CA10: variants seen among roughly 807,000 people sequenced by gnomAD.
CA10 encodes carbonic anhydrase-related protein 10.
A neutral mutation model predicts 44.2 loss-of-function variants in CA10; 14 were observed. The ratio of observed to expected loss-of-function variants is 0.32; its 90% CI spans 0.21 to 0.50. The LOEUF is 0.50. CA10 is among the 20% of genes least tolerant of loss of function. The pLI, the probability that CA10 is intolerant of heterozygous loss-of-function variation, is 0.99. For synonymous variants in CA10, 159 were observed against 141.6 expected, an observed-to-expected ratio of 1.12 and a Z score of -0.87; for missense variants, 350 against 409.7, an observed-to-expected ratio of 0.85 and a Z score of 1.26.
intron 2 of CA10, among the ~76,000 whole-genome samples, chr17:51,963,213 T>G (rs1983956593): frequency 6.6e-6 from 1 of 151,672 alleles, no homozygotes; most frequent in Non-Finnish European, 1.5e-5. Context: ...CAGACAAAAA[T>G]TAAGAAAAAA....
At chr17:51,782,642 AC>A (rs1005328083) in intron 3 of CA10, among the ~76,000 whole-genome samples, 1 of 152,062 alleles carries the variant, frequency 6.6e-6, no homozygotes, top group Non-Finnish European at 1.5e-5. Context: ...CCAGCGTCCA[AC>A]CCCCTTGACC....
chr17:51,873,376 G>A (rs1305879448), intron 3 of CA10, among the ~76,000 whole-genome samples: 1 of 151,992 alleles, frequency 6.6e-6, no homozygotes, highest in Non-Finnish European at 1.5e-5. Flanking sequence ...TAAAGAATTG[G>A]AAAAACATAA....
chr17:51,863,768 T>C (rs1033385039), intron 3 of CA10, among the ~76,000 whole-genome samples: 1 of 152,190 alleles, frequency 6.6e-6, no homozygotes, highest in Non-Finnish European at 1.5e-5. Context: ...AAGAGATGCA[T>C]AGAAAGAAGT....
intron 3 of CA10, among the ~76,000 whole-genome samples, chr17:51,760,087 T>A (rs1905178493): frequency 6.6e-6 from 1 of 152,182 alleles, no homozygotes; most frequent in Non-Finnish European, 1.5e-5. Flanking sequence ...TTATTTTATC[T>A]CCAAAGAGGA....
intron 3 of CA10, among the ~76,000 whole-genome samples, chr17:51,773,428 G>C (rs1905688821): frequency 6.6e-6 from 1 of 152,240 alleles, no homozygotes; most frequent in Non-Finnish European, 1.5e-5. Flanking sequence ...CTGAGAAGCA[G>C]AGAGAAGGAT....
chr17:52,017,611 T>C (rs1223753704), intron 2 of CA10, among the ~76,000 whole-genome samples: 1 of 152,088 alleles, frequency 6.6e-6, no homozygotes, highest in African/African-American at 2.4e-5. Flanking sequence ...TAGACGCACA[T>C]GCAAAGGCAT....
At chr17:52,155,747 C>T (rs1379320283) in intron 1 of CA10, among the ~76,000 whole-genome samples, 1 of 152,196 alleles carries the variant, frequency 6.6e-6, no homozygotes, top group Non-Finnish European at 1.5e-5. Context: ...CTGTGTTTAG[C>T]TAATAGCTAG....
At chr17:52,114,970 T>A (rs575776385) in intron 1 of CA10, among the ~76,000 whole-genome samples, 8 of 152,286 alleles carry the variant, frequency 5.3e-5, no homozygotes, top group Non-Finnish European at 1.0e-4. Context: ...AGGAGGCAGA[T>A]AAGGAAGGGT....
chr17:52,147,012 C>T (rs539117850), intron 1 of CA10, among the ~76,000 whole-genome samples: 182 of 152,282 alleles, frequency 1.2e-3, no homozygotes, highest in African/African-American at 4.3e-3. Flanking sequence ...AAGAAGTAAG[C>T]CTCCATTGTG....
chr17:51,802,221 C>T (rs986997101), intron 3 of CA10, among the ~76,000 whole-genome samples: 9 of 152,180 alleles, frequency 5.9e-5, no homozygotes, highest in Non-Finnish European at 1.0e-4. Context: ...AATTTCCTCT[C>T]AGGGAGACAG....
At chr17:51,804,809 T>C (rs901688697) in intron 3 of CA10, among the ~76,000 whole-genome samples, 16 of 152,246 alleles carry the variant, frequency 1.1e-4, no homozygotes, top group Non-Finnish European at 2.2e-4. Context: ...CTTTGTTTTA[T>C]TACCTTAGAG....
chr17:52,034,544 T>C (rs897940368), intron 2 of CA10, among the ~76,000 whole-genome samples: 5 of 152,150 alleles, frequency 3.3e-5, no homozygotes, highest in African/African-American at 1.2e-4. Context: ...TTAGATCTGA[T>C]AGAGCTGGGG....
chr17:51,763,633 G>A (rs2143641902), intron 3 of CA10, among the ~76,000 whole-genome samples: 1 of 152,200 alleles, frequency 6.6e-6, no homozygotes, highest in East Asian at 1.9e-4. Context: ...ACTCGATGAG[G>A]TGATTTCATG....
At position 51,767,401 on chromosome 17, in the gene CA10, A is replaced by G. The variant is rs1905425056; in HGVS notation, c.280-19583T>C. Among the ~76,000 whole-genome samples the G allele has an allele frequency of 2.6e-5, 4 of 152,228 alleles. No individual in the cohort carries two copies. The South Asian group carries it at 8.3e-4, about 32-fold the overall frequency. ...CAGTAGGTCTGCAGAAAAGTTGCAA[A>G]GATAGTACACAGATTTCCATATATC... On this transcript the variant is annotated intron_variant, in intron 3 of 8. Coordinates refer to ENST00000451037, the MANE Select transcript of CA10 (RefSeq NM_020178.5).
At chr17:51,906,775 T>TTG (rs1981573406) in intron 3 of CA10, among the ~76,000 whole-genome samples, 1 of 152,094 alleles carries the variant, frequency 6.6e-6, no homozygotes, top group Non-Finnish European at 1.5e-5. Context: ...TCTCAATATA[T>TTG]CAAAGGGCCA....
intron 2 of CA10, among the ~76,000 whole-genome samples, chr17:51,993,359 A>T (rs1310213696): frequency 6.6e-6 from 1 of 152,136 alleles, no homozygotes; most frequent in Non-Finnish European, 1.5e-5. Context: ...TCTGACACTG[A>T]ATGTTATACG....
intron 3 of CA10, among the ~76,000 whole-genome samples, chr17:51,854,163 G>A (rs9894418): frequency 0.19 from 28,745 of 152,038 alleles, 4,776 homozygotes; most frequent in African/African-American, 0.45. Flanking sequence ...CTTGCTCTAC[G>A]GTTTTCTTTC....
intron 1 of CA10, among the ~76,000 whole-genome samples, chr17:52,074,713 TAAAAG>T (rs1034411394): frequency 5.3e-4 from 80 of 152,160 alleles, no homozygotes; most frequent in African/African-American, 1.0e-3. Context: ...TAACTATAAA[TAAAAG>T]AAATGTAATT....
chr17:51,664,757 A>G lies in CA10; in HGVS notation c.466-11021T>C, dbSNP rs185048099. On this transcript the variant is annotated intron_variant, in intron 4 of 8. Transcript: ENST00000451037. The stretch of plus-strand genomic sequence containing the variant: ...GGTGTCCAGAGGGCAATGTGATTGA[A>G]TGATATTTCGGGAGACCACAATGCG... 3.3e-5 allele frequency among the ~76,000 whole-genome samples: 5 copies of G among 152,256 alleles called. No individual in the cohort carries two copies. The East Asian group carries it at 7.7e-4, about 24-fold the overall frequency.
Sources: allele counts gnomAD v4.1 joint callset (sites outside exome capture counted in the v4.1 genomes callset), GRCh38; gene constraint gnomAD v4.1.1; transcripts MANE v1.5; gene names NCBI Gene and HGNC (gene_info 2026-07-23, HGNC 2026-07-21).